Variants in CLEC16A observed in about 807,000 individuals in gnomAD.
CLEC16A encodes protein CLEC16A.
In CLEC16A, 51 loss-of-function variants were observed where a neutral mutation model predicts 109.5. That is an observed-to-expected ratio of 0.47 (90% CI 0.37 to 0.59). The LOEUF is 0.59. Ranked by LOEUF, CLEC16A falls within the 20% of genes least tolerant of loss-of-function variation. The probability of loss-of-function intolerance (pLI) is 0.00; values close to 1 mark genes in which losing one functional copy is unlikely to be tolerated. For synonymous variants in CLEC16A, 673 were observed against 564.2 expected, an observed-to-expected ratio of 1.19 and a Z score of -2.73; for missense variants, 1,339 against 1,394.0, an observed-to-expected ratio of 0.96 and a Z score of 0.63.
At chr16:10,970,924 G>A (rs1308096414) in intron 4 of CLEC16A, among the ~76,000 whole-genome samples, 1 of 147,992 alleles carries the variant, frequency 6.8e-6, no homozygotes, top group African/African-American at 2.5e-5. Flanking sequence ...GGACTCTTCT[G>A]TTTCTTCCAT....
chr16:11,161,228 C>T (rs1478688307), intron 22 of CLEC16A, among the ~76,000 whole-genome samples: 1 of 152,126 alleles, frequency 6.6e-6, no homozygotes, highest in Non-Finnish European at 1.5e-5. Context: ...ATTTCTTATG[C>T]CCTGCTTAGG....
At chr16:10,973,114 A>C (rs2042873301) in intron 7 of CLEC16A, 53 bp downstream of exon 7, 1 of 1,536,066 alleles carries the variant, frequency 6.5e-7, no homozygotes, top group African/African-American at 1.4e-5. Context: ...GTTAGGGGAG[A>C]ATTCTGTTTT....
chr16:11,015,720 G>T (rs2045705496), intron 11 of CLEC16A, among the ~76,000 whole-genome samples: 1 of 152,270 alleles, frequency 6.6e-6, no homozygotes, highest in Non-Finnish European at 1.5e-5. Flanking sequence ...TGTCCAACGA[G>T]ATTAAGCCAG....
intron 19 of CLEC16A, among the ~76,000 whole-genome samples, chr16:11,109,949 T>G (rs1366532402): frequency 6.6e-6 from 1 of 152,244 alleles, no homozygotes; most frequent in Admixed American, 6.5e-5. Context: ...GAAAAAGACT[T>G]GCATTCTAAA....
At chr16:11,057,744 G>T (rs548652523) in intron 18 of CLEC16A, among the ~76,000 whole-genome samples, 13 of 152,086 alleles carry the variant, frequency 8.5e-5, no homozygotes, top group Non-Finnish European at 1.3e-4. Context: ...AAAGAAAAGC[G>T]CTCAATAAAA....
intron 19 of CLEC16A, among the ~76,000 whole-genome samples, chr16:11,088,151 C>T (rs888793493): frequency 2.0e-5 from 3 of 152,238 alleles, no homozygotes; most frequent in Admixed American, 6.5e-5. Flanking sequence ...GTGGCCTTGC[C>T]CTGTGCCAGG....
In CLEC16A at chr16:10,971,584, T is replaced by A. The variant is rs911738020; in HGVS notation, c.598+354T>A. 21 of 930,832 alleles carry A rather than the reference T, an allele frequency of 2.3e-5. No homozygotes were observed. In the Middle Eastern group the frequency reaches 1.7e-3, roughly 74 times the overall value. The allele number at this position is 930,832 out of a possible 1,614,324, so 57.7% of individuals were successfully genotyped here. ...GTGTCTTGGCTTGTGAAATATACTT[T>A]AATACAGCTAAGGGGTAATTTGACT... On this transcript the variant is annotated intron_variant, in intron 5 of 23. Coordinates refer to ENST00000409790, the MANE Select transcript of CLEC16A (RefSeq NM_015226.3).
chr16:11,120,253 GAGCCACGGCACCC>G (rs2052307986), intron 19 of CLEC16A, among the ~76,000 whole-genome samples: 1 of 152,264 alleles, frequency 6.6e-6, no homozygotes, highest in African/African-American at 2.4e-5. Context: ...TTGCAGGCGT[GAGCCACGGCACCC>G]AGCCATGCTG....
At chr16:10,965,514 G>A (rs1026107378) in intron 3 of CLEC16A, among the ~76,000 whole-genome samples, 4 of 152,136 alleles carry the variant, frequency 2.6e-5, no homozygotes, top group Admixed American at 2.6e-4. Flanking sequence ...GTCCCGTTCT[G>A]TAACCCTGCC....
chr16:10,962,795 A>G (rs1328680180), intron 3 of CLEC16A, among the ~76,000 whole-genome samples: 1 of 152,146 alleles, frequency 6.6e-6, no homozygotes, highest in Non-Finnish European at 1.5e-5. Flanking sequence ...ATGGTATCTC[A>G]TCCCTGTAAC....
rs370503397 is a variant in CLEC16A at position 10,969,633 on chromosome 16, G to T, written c.492+324G>T. ...CAAAGTGTTAGGATTACAGGCATGA[G>T]CCACAGCACCTGGCCAGCCTTTCCA... is the stretch of plus-strand genomic sequence containing the variant. On this transcript the variant is annotated intron_variant, in intron 4 of 23. Transcript: ENST00000409790. Among the ~76,000 whole-genome samples, 19 of 152,314 alleles carry T rather than the reference G, an allele frequency of 1.2e-4. No homozygotes were observed. The East Asian group carries it at 3.5e-3, about 28-fold the overall frequency.
chr16:11,035,856 C>A (rs1335422471), intron 13 of CLEC16A, among the ~76,000 whole-genome samples: 1 of 152,110 alleles, frequency 6.6e-6, no homozygotes, highest in Non-Finnish European at 1.5e-5. Flanking sequence ...ATAAGGCCTC[C>A]TTCAAAACAC....
intron 19 of CLEC16A, among the ~76,000 whole-genome samples, chr16:11,062,693 A>T (rs912022883): frequency 6.6e-6 from 1 of 152,068 alleles, no homozygotes; most frequent in Non-Finnish European, 1.5e-5. Flanking sequence ...GGCCTTATTT[A>T]TGTTTTATCT....
At chr16:11,074,141 C>T (rs1263122383) in intron 19 of CLEC16A, among the ~76,000 whole-genome samples, 3 of 138,872 alleles carry the variant, frequency 2.2e-5, no homozygotes, top group African/African-American at 9.0e-5. Flanking sequence ...AAAATGCTTC[C>T]TCTTTTCTTC....
chr16:11,178,811 C>A lies in CLEC16A; in HGVS notation c.*121C>A. On this transcript the variant is annotated 3_prime_UTR_variant, in exon 24 of 24. Transcript: ENST00000409790. This position sits in a 1 kb window ranked among gnomAD's most constrained non-coding sequence, Gnocchi z 6.5. ...GTGCGGCCCCCAGCAGCCATCTCAA[C>A]CACCTATCCCTGCGCTCCCTTGAAT... 1.4e-6 allele frequency: 1 copy of A among 705,320 alleles called. No individual in the cohort carries two copies. The highest frequency in any genetic ancestry group is 2.3e-6 in the Non-Finnish European group (1 of 440,484). 43.7% of individuals were successfully genotyped at this position (705,320 alleles called of 1,614,324 possible). A position where few individuals can be genotyped will look rare whatever the true frequency, so the allele number is the denominator to read the frequency against.
At chr16:11,075,378 CTGTGTGTGTG>C (rs373865850) in intron 19 of CLEC16A, among the ~76,000 whole-genome samples, 30 of 134,698 alleles carry the variant, frequency 2.2e-4, no homozygotes, top group South Asian at 5.0e-4. Flanking sequence ...TTGGATATGT[CTGTGTGTGTG>C]TGTGTGTGTG....
chr16:11,067,495 C>T (rs771415042), intron 19 of CLEC16A, among the ~76,000 whole-genome samples: 13 of 151,874 alleles, frequency 8.6e-5, no homozygotes, highest in Non-Finnish European at 1.8e-4. Context: ...AGATGAGAGA[C>T]GGCAGTGTGG....
At chr16:11,162,839 G>A (rs906758388) in intron 22 of CLEC16A, among the ~76,000 whole-genome samples, 10 of 152,106 alleles carry the variant, frequency 6.6e-5, no homozygotes, top group African/African-American at 1.7e-4. Flanking sequence ...CTTGTAGTTC[G>A]GTATGTGCAT....
chr16:11,015,935 G>A (rs2045719814), intron 11 of CLEC16A, among the ~76,000 whole-genome samples: 2 of 152,250 alleles, frequency 1.3e-5, no homozygotes, highest in Admixed American at 1.3e-4. Context: ...GCCAGAGGCT[G>A]GGAGACGAGG....
Sources: gnomAD v4.1 joint callset for allele counts (sites outside exome capture counted in the v4.1 genomes callset) on GRCh38, gnomAD v4.1.1 for gene constraint, Gnocchi (gnomAD v3.1) non-coding constraint, MANE v1.5 for transcripts, NCBI Gene and HGNC (gene_info 2026-07-23, HGNC 2026-07-21) for gene names.